The following PTPRT variants were observed in gnomAD, a reference collection of about 807,000 sequenced individuals.
PTPRT encodes receptor-type tyrosine-protein phosphatase T.
Under a neutral mutation model 176.8 loss-of-function variants are expected in PTPRT, and 56 were observed. The observed-to-expected ratio is 0.32, with a 90% CI of 0.26 to 0.40. The LOEUF is 0.40. Ranked by LOEUF, PTPRT falls within the 10% of genes least tolerant of loss-of-function variation. The pLI is 1.00. For synonymous variants in PTPRT, 783 were observed against 739.0 expected, an observed-to-expected ratio of 1.06 and a Z score of -0.96; for missense variants, 1,540 against 1,908.2, an observed-to-expected ratio of 0.81 and a Z score of 3.60.
intron 1 of PTPRT, among the ~76,000 whole-genome samples, chr20:43,054,451 G>A (rs1190272943): frequency 1.3e-5 from 2 of 152,100 alleles, no homozygotes; most frequent in East Asian, 1.9e-4. Context: ...GTACTTGGGA[G>A]GCTGAGGTTG....
At chr20:42,424,311 C>T (rs1282139238) in intron 9 of PTPRT, among the ~76,000 whole-genome samples, 1 of 152,148 alleles carries the variant, frequency 6.6e-6, no homozygotes, top group Non-Finnish European at 1.5e-5. Flanking sequence ...CTGACAGAAA[C>T]TTAAAGCCCA....
chr20:42,521,002 A>T (rs1408036986), intron 7 of PTPRT, among the ~76,000 whole-genome samples: 1 of 151,768 alleles, frequency 6.6e-6, no homozygotes, highest in Non-Finnish European at 1.5e-5. Context: ...CTGTCTATCT[A>T]TCTATCATCT....
intron 6 of PTPRT, among the ~76,000 whole-genome samples, chr20:42,742,815 C>T (rs2076631610): frequency 6.6e-6 from 1 of 152,176 alleles, no homozygotes; most frequent in African/African-American, 2.4e-5. Context: ...TCCTTCTGTC[C>T]CTTTCTACAG....
chr20:42,793,266 A>T (rs182197780), intron 2 of PTPRT, among the ~76,000 whole-genome samples: 1 of 152,316 alleles, frequency 6.6e-6, no homozygotes, highest in East Asian at 1.9e-4. Context: ...CCGGGCTTTT[A>T]GTTTGACTAG....
chr20:42,218,910 C>A (rs988257860), intron 15 of PTPRT, among the ~76,000 whole-genome samples: 1 of 152,190 alleles, frequency 6.6e-6, no homozygotes, highest in Non-Finnish European at 1.5e-5. Flanking sequence ...CTGTAAGAGG[C>A]AGTGCCAGCA....
intron 1 of PTPRT, among the ~76,000 whole-genome samples, chr20:42,910,422 T>A (rs2079530152): frequency 6.6e-6 from 1 of 152,202 alleles, no homozygotes; most frequent in Admixed American, 6.5e-5. Flanking sequence ...CTTTATCATT[T>A]CCTATTTTGG....
chr20:42,940,642 A>C (rs1980483068), intron 1 of PTPRT, among the ~76,000 whole-genome samples: 1 of 152,158 alleles, frequency 6.6e-6, no homozygotes. Context: ...AAAAAAGCTC[A>C]CACCTAGCTC....
chr20:42,889,926 A>C (rs1244518943), intron 1 of PTPRT, among the ~76,000 whole-genome samples: 3 of 152,232 alleles, frequency 2.0e-5, no homozygotes, highest in African/African-American at 7.2e-5. Context: ...CAATAGAAAA[A>C]AAGCAAAACC....
At chr20:42,768,968 A>G (rs1005163027) in intron 5 of PTPRT, among the ~76,000 whole-genome samples, 17 of 152,250 alleles carry the variant, frequency 1.1e-4, no homozygotes, top group East Asian at 3.8e-4. Flanking sequence ...AAGTTGCTGA[A>G]AATATTGTGA....
chr20:42,571,000 A>G (rs987250001), intron 7 of PTPRT, among the ~76,000 whole-genome samples: 21 of 152,142 alleles, frequency 1.4e-4, no homozygotes, highest in Admixed American at 9.2e-4. Context: ...CAGCACTGCA[A>G]CAACCTAAGC....
At chr20:42,199,109 C>T in intron 16 of PTPRT, 131 bp downstream of exon 16, 1 of 1,090,070 alleles carries the variant, frequency 9.2e-7, no homozygotes, top group Non-Finnish European at 1.3e-6. Flanking sequence ...AACCTTCATC[C>T]CAGTCCATAT....
intron 1 of PTPRT, among the ~76,000 whole-genome samples, chr20:43,029,331 A>G (rs2146193702): frequency 6.6e-6 from 1 of 152,318 alleles, no homozygotes; most frequent in African/African-American, 2.4e-5. Flanking sequence ...CAGTTAAGTC[A>G]TGCACACAGG....
At chr20:43,150,826 G>A (rs1440957098) in intron 1 of PTPRT, among the ~76,000 whole-genome samples, 1 of 152,110 alleles carries the variant, frequency 6.6e-6, no homozygotes, top group East Asian at 1.9e-4. Context: ...GGAGAAAACT[G>A]TTACAGAGTT....
At chr20:42,122,497 AAAAG>A (rs1228066565) in intron 19 of PTPRT, among the ~76,000 whole-genome samples, 1 of 152,158 alleles carries the variant, frequency 6.6e-6, no homozygotes, top group Non-Finnish European at 1.5e-5. Flanking sequence ...TGCTCAGGCT[AAAAG>A]AAAGAATTAA....
At chr20:42,712,373 A>C (rs1443411375) in intron 6 of PTPRT, among the ~76,000 whole-genome samples, 1 of 152,146 alleles carries the variant, frequency 6.6e-6, no homozygotes, top group African/African-American at 2.4e-5. Context: ...CCAAAAAAGA[A>C]GCCCCTACTG....
chr20:43,116,638 C>T (rs2013069752), intron 1 of PTPRT, among the ~76,000 whole-genome samples: 2 of 152,186 alleles, frequency 1.3e-5, no homozygotes, highest in South Asian at 4.1e-4. Context: ...GGACTGGCTG[C>T]CCCTCTGTGT....
chr20:42,848,940 G>C (rs559602614), intron 2 of PTPRT, among the ~76,000 whole-genome samples: 1 of 152,260 alleles, frequency 6.6e-6, no homozygotes, highest in African/African-American at 2.4e-5. Context: ...AATTTTTATG[G>C]TTTCTGATGT....
At chr20:42,065,079 T>G in the PTPRT span, among the ~76,000 whole-genome samples, 1 of 152,222 alleles carries the variant, frequency 6.6e-6, no homozygotes, top group Non-Finnish European at 1.5e-5. Context: ...GCCATACATG[T>G]GAGTCGTCCT....
At chr20:42,138,551 C>A (rs1025493478) in intron 18 of PTPRT, among the ~76,000 whole-genome samples, 3 of 152,204 alleles carry the variant, frequency 2.0e-5, no homozygotes, top group African/African-American at 7.2e-5. Context: ...ACATTTGCAA[C>A]CCCTGTGATC....
Sources: gnomAD v4.1 joint callset for allele counts (sites outside exome capture counted in the v4.1 genomes callset) on GRCh38, gnomAD v4.1.1 for gene constraint, MANE v1.5 for transcripts, NCBI Gene and HGNC (gene_info 2026-07-23, HGNC 2026-07-21) for gene names.